The following SEMA3E variants were observed in gnomAD, a reference collection of about 807,000 sequenced individuals.
SEMA3E encodes the protein semaphorin-3E.
SEMA3E carries 49 observed loss-of-function variants against 93.6 expected under a neutral mutation model. The ratio of observed to expected loss-of-function variants is 0.52; its 90% CI spans 0.42 to 0.66. The LOEUF (loss-of-function observed/expected upper bound fraction) is 0.66. Ranked by LOEUF, SEMA3E falls within the 30% of genes least tolerant of loss-of-function variation. The pLI is 0.00. For missense variants in SEMA3E, 906 were observed against 964.8 expected (o/e 0.94, Z 0.81); for synonymous variants, 363 against 330.7 (o/e 1.10, Z -1.06).
At chr7:83,593,280 CTCTCTGTGTGTGTGTGTG>C (rs1244059140) in intron 1 of SEMA3E, among the ~76,000 whole-genome samples, 5 of 109,250 alleles carry the variant, frequency 4.6e-5, no homozygotes, top group African/African-American at 2.2e-4. Flanking sequence ...CTCTCTCTCT[CTCTCTGTGTGTGTGTGTG>C]TGTGTGTGTG....
chr7:83,474,353 G>T (rs1789966412), intron 2 of SEMA3E, among the ~76,000 whole-genome samples: 1 of 151,930 alleles, frequency 6.6e-6, no homozygotes, highest in African/African-American at 2.4e-5. Flanking sequence ...AGCACTCTAT[G>T]TTTTGAATTA....
chr7:83,469,397 CCTT>C lies in SEMA3E; in HGVS notation c.277-98_277-96del, dbSNP rs780040852. On this transcript the variant is annotated intron_variant, in intron 2 of 16. Transcript: ENST00000643230. ...CTTTCTTCTACAGTTCAAAACATTT[CCTT>C]TTTTTTTTTTTTCTGTTTTCTGATA... 539 of 576,246 alleles carry C rather than the reference CCTT, an allele frequency of 9.4e-4. 3 individuals are homozygous for C. The South Asian group carries it at 0.012, about 12-fold the overall frequency. 35.7% of individuals were successfully genotyped at this position (576,246 alleles called of 1,614,324 possible). A position where few individuals can be genotyped will look rare whatever the true frequency, so the allele number is the denominator to read the frequency against.
intron 1 of SEMA3E, among the ~76,000 whole-genome samples, chr7:83,553,888 GAGTTGAGAGGCT>G (rs1182801176): frequency 1.3e-5 from 2 of 152,034 alleles, no homozygotes; most frequent in Non-Finnish European, 2.9e-5. Context: ...AAATATGCAA[GAGTTGAGAGGCT>G]AGTACTATGA....
intron 1 of SEMA3E, among the ~76,000 whole-genome samples, chr7:83,552,664 G>T (rs545819943): frequency 6.6e-6 from 1 of 152,136 alleles, no homozygotes; most frequent in Non-Finnish European, 1.5e-5. Context: ...TCTATAAATG[G>T]CTGCTCTGGG....
Position 83,630,566 on chromosome 7 carries a change from T to C in SEMA3E, c.115+17862A>G, listed in dbSNP as rs73708515. On this transcript the variant is annotated intron_variant, in intron 1 of 16. Transcript: ENST00000643230. Reference sequence around the variant, plus strand: ...AGAGCAGTGAGTCTGTCATGTGTTATCTTCTGAGATCAGACATCCTTGTTT... The same window carrying C: ...AGAGCAGTGAGTCTGTCATGTGTTACCTTCTGAGATCAGACATCCTTGTTT... Among the ~76,000 whole-genome samples, 885 of 152,310 alleles carry C rather than the reference T, an allele frequency of 5.8e-3. 6 individuals are homozygous for C. The highest frequency in any genetic ancestry group is 0.019 in the African/African-American group (784 of 41,574).
intron 14 of SEMA3E, among the ~76,000 whole-genome samples, chr7:83,391,922 T>C (rs529918960): frequency 2.6e-5 from 4 of 152,288 alleles, no homozygotes; most frequent in Admixed American, 1.3e-4. Flanking sequence ...ATACTTTTTT[T>C]CCTGAGGTAT....
In SEMA3E at chr7:83,364,320, C is replaced by T. The variant is rs1562744029; in HGVS notation, c.*3266G>A. On this transcript the variant is annotated 3_prime_UTR_variant, in exon 17 of 17. Transcript: ENST00000643230. The stretch of plus-strand genomic sequence containing the variant: ...AATTACTATGAAGATTTACAAAACC[C>T]TAAAACCTATAGCAAATATCGAACA... The T allele has an allele frequency of 6.6e-6, 1 of 152,144 alleles. No homozygotes were observed. The highest frequency in any genetic ancestry group is 1.5e-5 in the Non-Finnish European group (1 of 68,036). The allele number at this position is 152,144 out of a possible 1,614,324, so 9.4% of individuals were successfully genotyped here. A position where few individuals can be genotyped will look rare whatever the true frequency, so the allele number is the denominator to read the frequency against.
At chr7:83,554,865 T>C (rs1791851657) in intron 1 of SEMA3E, among the ~76,000 whole-genome samples, 2 of 151,970 alleles carry the variant, frequency 1.3e-5, no homozygotes. Flanking sequence ...TAGTCCCAGC[T>C]ACTAGGGAGG....
intron 4 of SEMA3E, among the ~76,000 whole-genome samples, chr7:83,464,804 C>A (rs1330809986): frequency 1.4e-5 from 2 of 145,224 alleles, no homozygotes; most frequent in Non-Finnish European, 1.5e-5. Flanking sequence ...GGTTCCCACG[C>A]CGCCCCTAAT....
At chr7:83,377,133 A>G (rs1402625528) in intron 16 of SEMA3E, among the ~76,000 whole-genome samples, 1 of 152,020 alleles carries the variant, frequency 6.6e-6, no homozygotes. Context: ...TTTGTCAGCA[A>G]ATGACTGAAC....
chr7:83,566,995 A>T (rs1217719350), intron 1 of SEMA3E, among the ~76,000 whole-genome samples: 1 of 152,230 alleles, frequency 6.6e-6, no homozygotes, highest in Non-Finnish European at 1.5e-5. Context: ...TGAGTGAAAG[A>T]AGAACGACTG....
intron 9 of SEMA3E, among the ~76,000 whole-genome samples, chr7:83,403,691 C>T (rs1180322893): frequency 6.6e-6 from 1 of 151,794 alleles, no homozygotes; most frequent in East Asian, 1.9e-4. Flanking sequence ...ATAAAGTTTC[C>T]TACATCCTGA....
Position 83,609,790 on chromosome 7 carries a change from TAA to T in SEMA3E, c.115+38636_115+38637del, listed in dbSNP as rs549070615. ...ACTTTCTTATCTGAAACAAATATCC[TAA>T]GTTAACTAAACAAATTATTTTTCAA... On this transcript the variant is annotated intron_variant, in intron 1 of 16. Coordinates refer to ENST00000643230, the MANE Select transcript of SEMA3E (RefSeq NM_012431.3). Among the ~76,000 whole-genome samples, 280 of 152,096 alleles carry T rather than the reference TAA, an allele frequency of 1.8e-3. 1 individual carries two copies. Among genetic ancestry groups the T allele is most frequent in the African/African-American group, 6.4e-3 (265 of 41,566 alleles).
intron 1 of SEMA3E, among the ~76,000 whole-genome samples, chr7:83,621,909 T>C (rs1005508571): frequency 6.6e-6 from 1 of 152,092 alleles, no homozygotes; most frequent in African/African-American, 2.4e-5. Context: ...ATCTAAACAA[T>C]ACCATTCAGG....
intron 1 of SEMA3E, among the ~76,000 whole-genome samples, chr7:83,545,822 TATATATA>T (rs999868608): frequency 4.1e-5 from 6 of 147,080 alleles, no homozygotes; most frequent in African/African-American, 1.5e-4. Flanking sequence ...GTATTATATA[TATATATA>T]ATATATATCT....
At chr7:83,396,180 GT>G (rs1483523299) in intron 12 of SEMA3E, among the ~76,000 whole-genome samples, 5 of 151,604 alleles carry the variant, frequency 3.3e-5, no homozygotes, top group Non-Finnish European at 5.9e-5. Context: ...ATATGTAATT[GT>G]TTTTTCATGT....
intron 4 of SEMA3E, among the ~76,000 whole-genome samples, chr7:83,426,659 G>C (rs910167108): frequency 2.6e-5 from 4 of 152,034 alleles, no homozygotes; most frequent in Admixed American, 6.6e-5. Flanking sequence ...ATGTACTCCC[G>C]ACTCTAAAAC....
chr7:83,480,213 G>C (rs894047846), intron 2 of SEMA3E, among the ~76,000 whole-genome samples: 9 of 152,148 alleles, frequency 5.9e-5, no homozygotes, highest in African/African-American at 2.2e-4. Flanking sequence ...GACCTAGGCA[G>C]GTAGATTACC....
chr7:83,411,149 A>C (rs1180968816), intron 5 of SEMA3E, among the ~76,000 whole-genome samples: 2 of 152,116 alleles, frequency 1.3e-5, no homozygotes, highest in African/African-American at 2.4e-5. Flanking sequence ...AATGCTATAA[A>C]ATTAACAAAC....
Sources: allele counts gnomAD v4.1 joint callset (sites outside exome capture counted in the v4.1 genomes callset), GRCh38; gene constraint gnomAD v4.1.1; transcripts MANE v1.5; gene names NCBI Gene and HGNC (gene_info 2026-07-23, HGNC 2026-07-21).